Variants in DSCAM observed in about 807,000 individuals in gnomAD.
The protein encoded by DSCAM is DS cell adhesion molecule.
A neutral mutation model predicts 217.7 loss-of-function variants in DSCAM; 47 were observed. The ratio of observed to expected loss-of-function variants is 0.22; its 90% confidence interval spans 0.17 to 0.28. DSCAM has a LOEUF of 0.28. Ranked by LOEUF, DSCAM falls within the 10% of genes least tolerant of loss-of-function variation. DSCAM has a pLI of 1.00. For synonymous variants in DSCAM, 1,056 were observed against 1,015.3 expected (o/e 1.04, Z -0.76); for missense variants, 2,080 against 2,618.3 (o/e 0.79, Z 4.49).
At chr21:40,349,142 A>AAAAAAAAAAAAAAAAAAAAAAAC (rs2074601056) in intron 5 of DSCAM, among the ~76,000 whole-genome samples, 1 of 144,342 alleles carries the variant, frequency 6.9e-6, no homozygotes, top group Non-Finnish European at 1.5e-5. Flanking sequence ...ATCTCAAAAA[A>AAAAAAAAAAAAAAAAAAAAAAAC]AAAAAAAAAA....
At chr21:40,818,268 C>A (rs929848513) in intron 1 of DSCAM, among the ~76,000 whole-genome samples, 4 of 151,466 alleles carry the variant, frequency 2.6e-5, no homozygotes, top group African/African-American at 9.7e-5. Context: ...CAAAGTCGGC[C>A]GGGTGCAGTG....
chr21:40,102,327 T>A (rs537330979), intron 20 of DSCAM, among the ~76,000 whole-genome samples: 1 of 152,188 alleles, frequency 6.6e-6, no homozygotes, highest in Admixed American at 6.6e-5. Context: ...GTATCCAGAG[T>A]GGAAAATACA....
chr21:40,507,610 G>A (rs1418970379), intron 3 of DSCAM, among the ~76,000 whole-genome samples: 1 of 151,988 alleles, frequency 6.6e-6, no homozygotes, highest in Non-Finnish European at 1.5e-5. Context: ...GGGGAACATG[G>A]TGAAACCCCT....
At chr21:40,395,029 G>C (rs2075166144) in intron 3 of DSCAM, among the ~76,000 whole-genome samples, 1 of 152,204 alleles carries the variant, frequency 6.6e-6, no homozygotes, top group African/African-American at 2.4e-5. Context: ...GTCAAACAAT[G>C]TCGTTTGATA....
chr21:40,337,927 T>A (rs2837573), intron 8 of DSCAM, among the ~76,000 whole-genome samples, 174 bp downstream of exon 8: 14,802 of 152,252 alleles, frequency 0.097, 805 homozygotes, highest in East Asian at 0.24. Context: ...AAAGTTCCTG[T>A]GAAGATTCAG....
intron 11 of DSCAM, among the ~76,000 whole-genome samples, chr21:40,250,115 G>A (rs573900487): frequency 2.2e-4 from 33 of 152,254 alleles, no homozygotes; most frequent in South Asian, 2.1e-4. Flanking sequence ...AGACAATGTC[G>A]TATCCTTGCC....
intron 3 of DSCAM, among the ~76,000 whole-genome samples, chr21:40,462,450 T>G (rs1270599813): frequency 6.6e-6 from 1 of 152,210 alleles, no homozygotes; most frequent in African/African-American, 2.4e-5. Flanking sequence ...TTAATGTAGC[T>G]CTTGGTTTAG....
chr21:40,538,710 A>G (rs2837694), intron 3 of DSCAM, among the ~76,000 whole-genome samples: 42,887 of 151,928 alleles, frequency 0.28, 8,107 homozygotes, highest in African/African-American at 0.52. Flanking sequence ...TAATAAAGTC[A>G]TCAAGGCCGT....
rs2075693546 is a variant in DSCAM at position 40,448,547 on chromosome 21, T to C, written c.509-79302A>G. ...GGTTCAGCTTGTAGGGAAATGATCA[T>C]GGGACTGCTTGACCTTCCTAATAAA... On this transcript the variant is annotated intron_variant, in intron 3 of 32. Coordinates refer to ENST00000400454, the MANE Select transcript of DSCAM (RefSeq NM_001389.5). Among the ~76,000 whole-genome samples, 3 of 152,276 alleles carry C rather than the reference T, an allele frequency of 2.0e-5. No homozygotes were observed. In the South Asian group the frequency reaches 6.2e-4, roughly 32 times the overall value.
intron 2 of DSCAM, among the ~76,000 whole-genome samples, chr21:40,705,228 T>C (rs1454545156): frequency 6.6e-6 from 1 of 152,228 alleles, no homozygotes; most frequent in Non-Finnish European, 1.5e-5. Flanking sequence ...TTCCATGTTT[T>C]GGCAATTAGG....
At chr21:40,524,250 A>C (rs530724808) in intron 3 of DSCAM, among the ~76,000 whole-genome samples, 5 of 152,276 alleles carry the variant, frequency 3.3e-5, no homozygotes, top group African/African-American at 1.2e-4. Context: ...TTCCAATCTA[A>C]TAGCACATAA....
chr21:40,446,763 T>TA (rs1211667732), intron 3 of DSCAM, among the ~76,000 whole-genome samples: 2 of 152,196 alleles, frequency 1.3e-5, no homozygotes, highest in Non-Finnish European at 2.9e-5. Flanking sequence ...GTTTTCAACT[T>TA]AAAGTAGAGC....
At chr21:40,143,305 C>T (rs78562285) in intron 17 of DSCAM, among the ~76,000 whole-genome samples, 3,638 of 152,212 alleles carry the variant, frequency 0.024, 169 homozygotes, top group African/African-American at 0.083. Context: ...GGCGCTGGGG[C>T]GGTGCAAAAT....
intron 3 of DSCAM, among the ~76,000 whole-genome samples, chr21:40,642,176 G>T (rs928357961): frequency 6.6e-6 from 1 of 152,138 alleles, no homozygotes; most frequent in African/African-American, 2.4e-5. Flanking sequence ...GGCCCTGGCT[G>T]TTGGACTCCA....
intron 32 of DSCAM, among the ~76,000 whole-genome samples, 161 bp from the exon 33 acceptor site, chr21:40,013,547 A>G (rs1233195023): frequency 1.3e-5 from 2 of 152,168 alleles, no homozygotes; most frequent in African/African-American, 4.8e-5. Flanking sequence ...CCACAAAGAC[A>G]GGTGGAATCG....
In DSCAM at chr21:40,729,358, A is replaced by G. The variant is rs71318536; in HGVS notation, c.44-20587T>C. ...GAAAGTGCTGCACTCTGTCATGAAC[A>G]AAAAGGACACACACAGTTCTGTTTC... On this transcript the variant is annotated intron_variant, in intron 1 of 32. Coordinates refer to ENST00000400454, the MANE Select transcript of DSCAM (RefSeq NM_001389.5). Among the ~76,000 whole-genome samples, 562 of 152,346 alleles carry G rather than the reference A, an allele frequency of 3.7e-3. 2 individuals carry two copies. Among genetic ancestry groups the G allele is most frequent in the Non-Finnish European group, 6.7e-3 (459 of 68,032 alleles).
chr21:40,813,074 A>G lies in DSCAM; in HGVS notation c.43+33545T>C, dbSNP rs189074454. Reference sequence around the variant, plus strand: ...AGTAAATGGGTTTCGACATGTCTTCAGAGAACTCTGGCTTTGAAATACGAG... The same window carrying G: ...AGTAAATGGGTTTCGACATGTCTTCGGAGAACTCTGGCTTTGAAATACGAG... On this transcript the variant is annotated intron_variant, in intron 1 of 32. Transcript: ENST00000400454. 3.3e-5 allele frequency among the ~76,000 whole-genome samples: 5 copies of G among 152,362 alleles called. No homozygotes were observed. In the East Asian group the frequency reaches 9.6e-4, roughly 29 times the overall value.
At chr21:40,109,722 T>C (rs981956858) in intron 20 of DSCAM, among the ~76,000 whole-genome samples, 1 of 152,188 alleles carries the variant, frequency 6.6e-6, no homozygotes, top group Non-Finnish European at 1.5e-5. Context: ...CCCACCCTAA[T>C]ACTGCACTTT....
At chr21:40,497,887 A>G (rs2076132279) in intron 3 of DSCAM, among the ~76,000 whole-genome samples, 2 of 152,234 alleles carry the variant, frequency 1.3e-5, no homozygotes, top group African/African-American at 4.8e-5. Flanking sequence ...CAGCTATGAG[A>G]ACTGCTATGT....
Sources: allele counts gnomAD v4.1 joint callset (sites outside exome capture counted in the v4.1 genomes callset), GRCh38; gene constraint gnomAD v4.1.1; transcripts MANE v1.5; gene names NCBI Gene and HGNC (gene_info 2026-07-23, HGNC 2026-07-21).